Variants in HOXA10 observed in about 807,000 individuals in gnomAD.
HOXA10 encodes homeobox protein Hox-A10.
HOXA10 carries 12 observed loss-of-function variants against 29.7 expected under a neutral mutation model. The observed-to-expected ratio is 0.40, with a 90% CI of 0.26 to 0.65. The LOEUF (loss-of-function observed/expected upper bound fraction) is 0.65, where lower values mean the gene tolerates loss of function less well. Ranked by LOEUF, HOXA10 falls within the 30% of genes least tolerant of loss-of-function variation. The pLI is 0.37. For synonymous variants in HOXA10, 327 were observed against 280.7 expected, an observed-to-expected ratio of 1.16 and a Z score of -1.65; for missense variants, 656 against 585.9, an observed-to-expected ratio of 1.12 and a Z score of -1.24.
intron 1 of HOXA10, 109 bp downstream of exon 1, chr7:27,173,240 T>C: frequency 6.5e-7 from 1 of 1,533,646 alleles, no homozygotes; most frequent in East Asian, 2.4e-5. Context: ...GCCTGCAGCT[T>C]GGGCCAAGGC....
upstream of HOXA10, among the ~76,000 whole-genome samples, chr7:27,177,373 T>C (rs1017180488): frequency 2.6e-5 from 4 of 152,184 alleles, no homozygotes; most frequent in Non-Finnish European, 5.9e-5. Flanking sequence ...AGCCCCTCTC[T>C]GGCCCAGGAC....
At position 27,171,865 on chromosome 7, in the gene HOXA10, G is replaced by A. The variant is rs753333177; in HGVS notation, c.*34C>T. The A allele has an allele frequency of 6.2e-6, 10 of 1,612,342 alleles. No homozygotes were observed. Among genetic ancestry groups the A allele is most frequent in the Admixed American group, 5.0e-5 (3 of 59,992 alleles). On this transcript the variant is annotated 3_prime_UTR_variant, in exon 2 of 2. Transcript: ENST00000283921. ...AGACAGAGGGAGGGGACCAGCGCTC[G>A]GGAAGTGAAAAAACCGCGTCGCCTG...
At position 27,173,466 on chromosome 7, in the gene HOXA10, C is replaced by G; in HGVS notation, c.841G>C (p.Gly281Arg). ...TCGCCCTGCGAGCCCCCGCCGCTGC[C>G]GCAAGCCAGCGTGGGGGGCGGCGGC... is the stretch of plus-strand genomic sequence containing the variant. ...DSPPPPTLAC[G>R]SGGGSQGDEE... Residue 281 changes from glycine (G) to arginine (R), a missense_variant, in exon 1 of 2, where the codon GGC becomes CGC. Coordinates refer to ENST00000283921, the MANE Select transcript of HOXA10 (RefSeq NM_018951.4). The G allele has an allele frequency of 1.3e-6, 2 of 1,569,392 alleles. No individual in the cohort carries two copies. The highest frequency in any genetic ancestry group is 4.8e-5 in the East Asian group (2 of 42,034).
At position 27,173,788 on chromosome 7, in the gene HOXA10, G is replaced by A; in HGVS notation, c.519C>T (p.Asp173=). ...AGACTTTGGGGCATTTGTCCGCCGA[G>A]TCGTAGAGGCAGTAGGAGCTCTCTT... The part of the protein sequence containing the change: ...IKEESSYCLY[D]SADKCPKVSA... The change falls in exon 1 of 2, where the codon GAC becomes GAT. Residue 173 remains aspartate (D), a synonymous_variant. Coordinates refer to ENST00000283921, the MANE Select transcript of HOXA10 (RefSeq NM_018951.4). 6.2e-7 allele frequency: 1 copy of A among 1,610,846 alleles called. No homozygotes were observed. The highest frequency in any genetic ancestry group is 8.5e-7 in the Non-Finnish European group (1 of 1,178,676).
chr7:27,174,093 G>A lies in HOXA10; in HGVS notation c.214C>T (p.Pro72Ser). 1.9e-6 allele frequency: 3 copies of A among 1,567,822 alleles called. No homozygotes were observed. The highest frequency in any genetic ancestry group is 2.6e-6 in the Non-Finnish European group (3 of 1,163,682). ...GVYLPPAADL[P>S]YGLQSCGLFP... ...AGCCCGCAGCTCTGCAGCCCGTAGG[G>A]CAGGTCGGCGGCGGGCGGCAGGTAG... The change falls in exon 1 of 2, where the codon CCC (proline) becomes TCC (serine). Residue 72 changes from proline to serine, a missense_variant. Pro to Ser is a moderately conservative substitution (Grantham distance 74). Coordinates refer to ENST00000283921, the MANE Select transcript of HOXA10 (RefSeq NM_018951.4).
chr7:27,171,541 G>C lies in HOXA10; in HGVS notation c.*358C>G, dbSNP rs1464550119. ...GGCCTTCCGGCTAGGTTTGCCCCAG[G>C]CTGGGCAGGAAACCAGCTCGGCCGA... On this transcript the variant is annotated 3_prime_UTR_variant, in exon 2 of 2. Coordinates refer to ENST00000283921, the MANE Select transcript of HOXA10 (RefSeq NM_018951.4). The C allele has an allele frequency of 2.1e-6, 1 of 477,118 alleles. No individual in the cohort carries two copies. Among genetic ancestry groups the C allele is most frequent in the Non-Finnish European group, 4.1e-6 (1 of 242,254 alleles). The allele number at this position is 477,118 out of a possible 1,614,324, so 29.6% of individuals were successfully genotyped here.
rs1444309434 is a variant in HOXA10 at position 27,171,803 on chromosome 7, G to C, written c.*96C>G. 8.0e-7 allele frequency: 1 copy of C among 1,243,940 alleles called. No individual in the cohort carries two copies. Among genetic ancestry groups the C allele is most frequent in the East Asian group, 2.3e-5 (1 of 43,164 alleles). 77.1% of individuals were successfully genotyped at this position (1,243,940 alleles called of 1,614,324 possible). ...GGCGAGTGTGGGAGGGAGGAACAGG[G>C]CTCCAGCACAGGTGCGAGTTCCTGG... On this transcript the variant is annotated 3_prime_UTR_variant, in exon 2 of 2. Coordinates refer to ENST00000283921, the MANE Select transcript of HOXA10 (RefSeq NM_018951.4).
chr7:27,179,374 G>C (rs939242505), intron 1 of HOXA10, among the ~76,000 whole-genome samples: 1 of 149,178 alleles, frequency 6.7e-6, no homozygotes, highest in Non-Finnish European at 1.5e-5. Context: ...CTTTCGCCTA[G>C]ATGCCTCTCA....
At chr7:27,176,944 T>C (rs1032744730), upstream of HOXA10, among the ~76,000 whole-genome samples, 2 of 152,242 alleles carry the variant, frequency 1.3e-5, no homozygotes, top group African/African-American at 4.8e-5. Context: ...CTCAGTCTTT[T>C]CCTTGGGTCT....
Position 27,173,610 on chromosome 7 carries a change from C to A in HOXA10, c.697G>T (p.Ala233Ser). 6 of 1,526,024 alleles carry A rather than the reference C, an allele frequency of 3.9e-6. No individual in the cohort carries two copies. The highest frequency in any genetic ancestry group is 5.3e-6 in the Non-Finnish European group (6 of 1,138,028). The allele number at this position is 1,526,024 out of a possible 1,614,324, so 94.5% of individuals were successfully genotyped here. A position where few individuals can be genotyped will look rare whatever the true frequency, so the allele number is the denominator to read the frequency against. The part of the protein sequence containing the change: ...AKGYGSGGGG[A>S]QQLGAGPFPA... ...AACGGGCCAGCCCCGAGTTGCTGCG[C>A]GCCGCCGCCGCCGCTGCCATAGCCC... The change falls in exon 1 of 2, where the codon GCG (alanine) becomes TCG (serine). Residue 233 changes from alanine to serine, a missense_variant. Coordinates refer to ENST00000283921, the MANE Select transcript of HOXA10 (RefSeq NM_018951.4).
At chr7:27,173,249 G>A (rs1245676076) in intron 1 of HOXA10, 100 bp downstream of exon 1, 3 of 1,556,362 alleles carry the variant, frequency 1.9e-6, no homozygotes, top group Non-Finnish European at 2.6e-6. Flanking sequence ...TTGGGCCAAG[G>A]CCGGCCGGCT....
At chr7:27,179,521 G>A (rs1268620627) in intron 1 of HOXA10, 2 of 706,290 alleles carry the variant, frequency 2.8e-6, no homozygotes, top group Non-Finnish European at 5.3e-6. Context: ...GGAGCAATGG[G>A]GTGGGGGCTC....
upstream of HOXA10, among the ~76,000 whole-genome samples, chr7:27,179,019 T>C (rs1020996676): frequency 2.6e-5 from 4 of 152,364 alleles, no homozygotes; most frequent in East Asian, 1.9e-4. Flanking sequence ...CTAATTTTCA[T>C]ATGTAAGAAA....
rs1356692379 is a variant in HOXA10, at chr7:27,172,045, G to C, written c.1087C>G (p.Arg363Gly). 6.2e-7 allele frequency: 1 copy of C among 1,614,032 alleles called. No individual in the cohort carries two copies. ...KEFLFNMYLT[R>G]ERRLEISRSV... ...CGGCTAATCTCTAGGCGCCGCTCTC[G>C]AGTAAGGTACATATTGAACAGAAAC... The change falls in exon 2 of 2, where the codon CGA (arginine) becomes GGA (glycine). Residue 363 changes from arginine to glycine, a missense_variant. Transcript: ENST00000283921.
chr7:27,175,757 C>A (rs892110373), upstream of HOXA10, among the ~76,000 whole-genome samples: 2 of 152,358 alleles, frequency 1.3e-5, no homozygotes, highest in African/African-American at 2.4e-5. Flanking sequence ...CCCTCCGGCC[C>A]CAGTCGGAGC....
chr7:27,172,818 C>G (rs1783534908), intron 1 of HOXA10: 1 of 164,208 alleles, frequency 6.1e-6, no homozygotes, highest in African/African-American at 2.4e-5. Flanking sequence ...CCGGATTTGC[C>G]TTTTCTTCTT....
intron 1 of HOXA10, among the ~76,000 whole-genome samples, chr7:27,173,114 T>A (rs1039900128): frequency 5.3e-5 from 8 of 152,194 alleles, no homozygotes; most frequent in Non-Finnish European, 8.8e-5. Context: ...TCGTCCCTAG[T>A]CAGGGGGAGC....
chr7:27,174,239 C>A lies in HOXA10; in HGVS notation c.68G>T (p.Ser23Ile), dbSNP rs752718123. Residue 23 changes from serine to isoleucine, a missense_variant, in exon 1 of 2, where the codon AGC becomes ATC. Coordinates refer to ENST00000283921, the MANE Select transcript of HOXA10 (RefSeq NM_018951.4). Reference sequence around the variant, plus strand: ...GACCAAAAAAGAGTTCGCGGCGGGGCTCTCCGAGCATGACATTGTTGTGGG... The same window carrying A: ...GACCAAAAAAGAGTTCGCGGCGGGGATCTCCGAGCATGACATTGTTGTGGG... ...NYPTTMSCSESPAANSFLVDS... is the reference protein window; with the variant it reads ...NYPTTMSCSEIPAANSFLVDS... 18 of 1,599,110 alleles carry A rather than the reference C, an allele frequency of 1.1e-5. No individual in the cohort carries two copies. The highest frequency in any genetic ancestry group is 1.4e-5 in the Non-Finnish European group (17 of 1,179,832).
rs1326296769 is a variant in HOXA10, at chr7:27,173,697, T to C, written c.610A>G (p.Thr204Ala). The change falls in exon 1 of 2, where the codon ACC becomes GCC. Residue 204 changes from threonine (T) to alanine (A), a missense_variant. Thr to Ala is a moderately conservative substitution (Grantham distance 58). Around this residue, in one of 2 missense-constraint regions of HOXA10, gnomAD observed 594 missense variants for 491.9 expected, o/e 1.21. Transcript: ENST00000283921. ...CCAGGCACTGGCACCCCGCTGGAGGTGCCCAGGGCGCAGCCGTCGGGCGGC... is the reference window on the plus strand; with the variant it reads ...CCAGGCACTGGCACCCCGCTGGAGGCGCCCAGGGCGCAGCCGTCGGGCGGC... ...GPPPDGCALG[T>A]SSGVPVPGYF... is the part of the protein sequence containing the mutation. The C allele has an allele frequency of 6.4e-7, 1 of 1,565,998 alleles. No homozygotes were observed. Among genetic ancestry groups the C allele is most frequent in the East Asian group, 2.4e-5 (1 of 41,704 alleles).
Sources: allele counts gnomAD v4.1 joint callset (sites outside exome capture counted in the v4.1 genomes callset), GRCh38; gene constraint gnomAD v4.1.1; regional missense constraint gnomAD v4.1.1; transcripts MANE v1.5; gene names NCBI Gene and HGNC (gene_info 2026-07-23, HGNC 2026-07-21).